RELN: variants seen among roughly 807,000 people sequenced by gnomAD.
The protein encoded by RELN is reelin.
In RELN, 108 loss-of-function variants were observed where a neutral mutation model predicts 427.6. The observed-to-expected ratio is 0.25, with a 90% CI of 0.22 to 0.30. The LOEUF is 0.30. RELN is among the 10% of genes least tolerant of loss of function. The pLI is 1.00. For synonymous variants in RELN, 1,524 were observed against 1,513.4 expected (o/e 1.01, Z -0.16); for missense variants, 3,715 against 4,302.8 (o/e 0.86, Z 3.82).
Position 103,882,642 on chromosome 7 carries a change from A to G in RELN, c.337+34433T>C, listed in dbSNP as rs150970341. ...TGATCCCACAGAAATATAAACTACCATCAGAGAATACTATAAACACATCTA... is the reference window on the plus strand; with the variant it reads ...TGATCCCACAGAAATATAAACTACCGTCAGAGAATACTATAAACACATCTA... On this transcript the variant is annotated intron_variant, in intron 2 of 64. Transcript: ENST00000428762. 5.6e-4 allele frequency among the ~76,000 whole-genome samples: 85 copies of G among 152,312 alleles called. No homozygotes were observed. The East Asian group carries it at 0.016, about 28-fold the overall frequency.
chr7:103,595,974 G>T (rs936171862), intron 25 of RELN, among the ~76,000 whole-genome samples: 6 of 152,084 alleles, frequency 3.9e-5, no homozygotes, highest in Non-Finnish European at 7.3e-5. Flanking sequence ...GACAGGGATA[G>T]GCCAGGGCAA....
chr7:103,497,625 C>T (rs901377664), intron 55 of RELN, among the ~76,000 whole-genome samples, 195 bp downstream of exon 55: 1 of 152,102 alleles, frequency 6.6e-6, no homozygotes, highest in Non-Finnish European at 1.5e-5. Flanking sequence ...AATGTGATTT[C>T]TCTCCTTCCC....
intron 20 of RELN, among the ~76,000 whole-genome samples, chr7:103,627,620 G>A (rs2117327781): frequency 6.7e-6 from 1 of 150,040 alleles, no homozygotes; most frequent in East Asian, 1.9e-4. Flanking sequence ...TATACTCTCT[G>A]TTGTTTCATA....
At position 103,561,643 on chromosome 7, in the gene RELN, G is replaced by A. The variant is rs746613525; in HGVS notation, c.5418C>T (p.Asp1806=). ...CAGGATGTAAATTCCCATTGAAATC[G>A]TCTTTAAGAATCGAGGGCAGAGGAA... is the stretch of plus-strand genomic sequence containing the variant. ...PVVPLPSILK[D]DFNGNLHPDL... Residue 1806 remains aspartate, a synonymous_variant, in exon 36 of 65, where the codon GAC becomes GAT. Coordinates refer to ENST00000428762, the MANE Select transcript of RELN (RefSeq NM_005045.4). 2.4e-5 allele frequency: 39 copies of A among 1,613,802 alleles called. No homozygotes were observed. The highest frequency in any genetic ancestry group is 1.2e-4 in the South Asian group (11 of 91,084).
At chr7:103,609,672 A>G (rs529973902) in intron 22 of RELN, among the ~76,000 whole-genome samples, 29 of 152,324 alleles carry the variant, frequency 1.9e-4, no homozygotes, top group Non-Finnish European at 3.1e-4. Flanking sequence ...CAGGAATTCA[A>G]TCTTCAACTA....
rs73714404 is a variant in RELN at position 103,486,277 on chromosome 7, G to A, written c.9903C>T (p.Tyr3301=). The A allele has an allele frequency of 2.4e-3, 3,798 of 1,614,150 alleles. 60 individuals carry two copies. The African/African-American group carries it at 0.043, about 18-fold the overall frequency. The stretch of plus-strand genomic sequence containing the variant: ...TAAAGTACAGTGAGTCTCCATGGGC[G>A]TAGGGGGCCAGCTGCCCACAGCCAC... The part of the protein sequence containing the change: ...IGSGCGQLAP[Y]AHGDSLYFNG... Residue 3301 remains tyrosine, a synonymous_variant, in exon 61 of 65, where the codon TAC becomes TAT. Coordinates refer to ENST00000428762, the MANE Select transcript of RELN (RefSeq NM_005045.4).
chr7:103,614,258 T>C (rs1832031180), intron 20 of RELN, among the ~76,000 whole-genome samples: 1 of 152,232 alleles, frequency 6.6e-6, no homozygotes, highest in Non-Finnish European at 1.5e-5. Flanking sequence ...GTGTCTCCCA[T>C]TTCCTATTGC....
At chr7:103,803,075 T>TA (rs1359962827) in intron 3 of RELN, among the ~76,000 whole-genome samples, 1 of 152,138 alleles carries the variant, frequency 6.6e-6, no homozygotes, top group African/African-American at 2.4e-5. Flanking sequence ...CCCACATAGA[T>TA]ACATGAAAGC....
Position 103,596,694 on chromosome 7 carries a change from A to G in RELN, c.3334-33T>C. 4 of 1,582,930 alleles carry G rather than the reference A, an allele frequency of 2.5e-6. No individual in the cohort carries two copies. In the South Asian group the frequency reaches 4.4e-5, roughly 18 times the overall value. On this transcript the variant is annotated intron_variant, in intron 24 of 64. Coordinates refer to ENST00000428762, the MANE Select transcript of RELN (RefSeq NM_005045.4). ...AAAAGAAGAAAAATCAAATTCAGTA[A>G]TCTGGGAGTTCTTTGGCATTTTGTT...
At chr7:103,756,304 G>A (rs577734699) in intron 4 of RELN, among the ~76,000 whole-genome samples, 4 of 152,288 alleles carry the variant, frequency 2.6e-5, no homozygotes, top group Non-Finnish European at 4.4e-5. Context: ...TGAGGGTGGA[G>A]GCCCGGAAGT....
At chr7:103,608,116 C>T (rs1831862013) in intron 22 of RELN, among the ~76,000 whole-genome samples, 1 of 151,952 alleles carries the variant, frequency 6.6e-6, no homozygotes, top group Admixed American at 6.6e-5. Flanking sequence ...AAAGATTTGG[C>T]CAAAAAAAGA....
intron 8 of RELN, among the ~76,000 whole-genome samples, chr7:103,716,882 T>C (rs764367478): frequency 6.6e-6 from 1 of 152,168 alleles, no homozygotes; most frequent in African/African-American, 2.4e-5. Context: ...TGAGTTTTCA[T>C]GGAGGAGTGG....
At chr7:103,630,844 T>C (rs201865745) in intron 19 of RELN, among the ~76,000 whole-genome samples, 12 of 63,486 alleles carry the variant, frequency 1.9e-4, no homozygotes, top group African/African-American at 6.6e-4. Context: ...GGCTGAGTTA[T>C]TTTTTTGTTT....
At chr7:103,585,029 A>G (rs1394078957) in intron 28 of RELN, among the ~76,000 whole-genome samples, 1 of 152,180 alleles carries the variant, frequency 6.6e-6, no homozygotes, top group Non-Finnish European at 1.5e-5. Flanking sequence ...AAATAGGGAC[A>G]CAACATACCA....
intron 49 of RELN, 42 bp from the exon 50 acceptor site, chr7:103,515,483 G>A (rs1239739518): frequency 1.3e-6 from 2 of 1,595,746 alleles, no homozygotes; most frequent in African/African-American, 3.1e-5. Context: ...AAGAACCCTT[G>A]TCAAATATCT....
At chr7:103,955,246 C>A (rs1481746874) in intron 1 of RELN, among the ~76,000 whole-genome samples, 1 of 152,204 alleles carries the variant, frequency 6.6e-6, no homozygotes, top group Non-Finnish European at 1.5e-5. Context: ...ATTTAATAAA[C>A]TGAAACCCAC....
intron 28 of RELN, among the ~76,000 whole-genome samples, chr7:103,581,129 C>A (rs537550645): frequency 6.6e-6 from 1 of 152,196 alleles, no homozygotes; most frequent in African/African-American, 2.4e-5. Context: ...CAATCAAGAA[C>A]TGAGAAGACC....
chr7:103,548,233 A>G (rs763286531), intron 41 of RELN, among the ~76,000 whole-genome samples: 1 of 152,246 alleles, frequency 6.6e-6, no homozygotes, highest in Non-Finnish European at 1.5e-5. Flanking sequence ...AGAAGGAACA[A>G]AATTTGACTA....
chr7:103,611,417 T>TA lies in RELN; in HGVS notation c.2895+193dup, dbSNP rs549449404. On this transcript the variant is annotated intron_variant, in intron 21 of 64. Coordinates refer to ENST00000428762, the MANE Select transcript of RELN (RefSeq NM_005045.4). ...TTTTTTATTTCCAATTATTCTTTAATATCTGTCATGAAGAATGTGGCATTT... is the reference window on the plus strand; with the variant it reads ...TTTTTTATTTCCAATTATTCTTTAATAATCTGTCATGAAGAATGTGGCATTT... Among the ~76,000 whole-genome samples the TA allele has an allele frequency of 3.3e-5, 5 of 152,358 alleles. No homozygotes were observed. In the South Asian group the frequency reaches 8.3e-4, roughly 25 times the overall value.
Sources: gnomAD v4.1 joint callset for allele counts (sites outside exome capture counted in the v4.1 genomes callset) on GRCh38, gnomAD v4.1.1 for gene constraint, MANE v1.5 for transcripts, NCBI Gene and HGNC (gene_info 2026-07-23, HGNC 2026-07-21) for gene names.